NOSTRIN: variants seen among roughly 807,000 people sequenced by gnomAD.
NOSTRIN encodes nitric oxide synthase trafficking.
A neutral mutation model predicts 59.0 loss-of-function variants in NOSTRIN; 63 were observed. That is an observed-to-expected ratio of 1.07 (90% CI 0.87 to 1.32). The LOEUF is 1.32. Ranked by LOEUF, NOSTRIN falls within the 40% of genes most tolerant of loss-of-function variation. The pLI is 0.00. For synonymous variants in NOSTRIN, 200 were observed against 165.4 expected (o/e 1.21, Z -1.61); for missense variants, 512 against 473.1 (o/e 1.08, Z -0.76).
At chr2:168,803,186 C>T (rs1318172876) in intron 1 of NOSTRIN, among the ~76,000 whole-genome samples, 1 of 152,150 alleles carries the variant, frequency 6.6e-6, no homozygotes, top group Non-Finnish European at 1.5e-5. Context: ...ACTGGTTTAG[C>T]AGCATGTTTG....
At chr2:168,793,593 A>C (rs536703378), upstream of NOSTRIN, among the ~76,000 whole-genome samples, 254 of 152,334 alleles carry the variant, frequency 1.7e-3, no homozygotes, top group African/African-American at 6.0e-3. Context: ...CCTGAGTGAC[A>C]GAGTGAGACC....
At chr2:168,855,556 A>T in intron 11 of NOSTRIN, 96 bp downstream of exon 11, 1 of 422,130 alleles carries the variant, frequency 2.4e-6, no homozygotes, top group Non-Finnish European at 4.2e-6. Context: ...GCTATTTGGC[A>T]GGGGTCTTCT....
chr2:168,819,393 G>A (rs541369631), intron 2 of NOSTRIN, among the ~76,000 whole-genome samples: 26 of 152,200 alleles, frequency 1.7e-4, no homozygotes, highest in Non-Finnish European at 3.4e-4. Flanking sequence ...AAGCATGGAA[G>A]TGTTTGTTTC....
At chr2:168,839,961 C>CAT (rs1687974998) in intron 7 of NOSTRIN, among the ~76,000 whole-genome samples, 1 of 141,262 alleles carries the variant, frequency 7.1e-6, no homozygotes, top group South Asian at 2.3e-4. Context: ...ATTCTTCTTT[C>CAT]ATATATATAC....
upstream of NOSTRIN, among the ~76,000 whole-genome samples, chr2:168,797,079 C>CTTTTTTTTTTTTTTTTTTTT (rs775176252): frequency 2.5e-4 from 19 of 75,052 alleles, 1 homozygote; most frequent in East Asian, 9.8e-4. Context: ...TTTCTTTTTT[C>CTTTTTTTTTTTTTTTTTTTT]TTTTTTTTTT....
At chr2:168,863,481 T>G (rs894670490) in intron 15 of NOSTRIN, 1 of 985,278 alleles carries the variant, frequency 1.0e-6, no homozygotes, top group Admixed American at 6.2e-5. Flanking sequence ...CAGATGATCC[T>G]GAAGGGGGCA....
intron 10 of NOSTRIN, among the ~76,000 whole-genome samples, chr2:168,853,700 T>C (rs1172474588): frequency 6.6e-6 from 1 of 152,194 alleles, no homozygotes; most frequent in African/African-American, 2.4e-5. Flanking sequence ...AGTCAGAGTT[T>C]ACTTGGGGGT....
upstream of NOSTRIN, among the ~76,000 whole-genome samples, chr2:168,794,565 A>T (rs552436780): frequency 8.6e-5 from 13 of 151,956 alleles, no homozygotes; most frequent in African/African-American, 2.7e-4. Context: ...GTTAGCCAGG[A>T]TGGTCTTGAT....
chr2:168,840,546 A>AAAC (rs1553529600), intron 7 of NOSTRIN, among the ~76,000 whole-genome samples: 17 of 150,230 alleles, frequency 1.1e-4, no homozygotes, highest in African/African-American at 3.3e-4. Context: ...AAAAAAAAAA[A>AAAC]AAAAACAAAA....
chr2:168,795,578 C>T (rs572003971), upstream of NOSTRIN, among the ~76,000 whole-genome samples: 23 of 152,216 alleles, frequency 1.5e-4, no homozygotes, highest in Admixed American at 1.2e-3. Flanking sequence ...CCATTAACAC[C>T]TGGAGTTTTA....
intron 2 of NOSTRIN, among the ~76,000 whole-genome samples, chr2:168,818,634 T>C (rs1686550541): frequency 6.6e-6 from 1 of 152,200 alleles, no homozygotes; most frequent in South Asian, 2.1e-4. Flanking sequence ...AAATCACATA[T>C]TTTCCATCTC....
Position 168,828,512 on chromosome 2 carries a change from A to G in NOSTRIN, c.342+11A>G, listed in dbSNP as rs1392081737. 1 of 849,524 alleles carries G rather than the reference A, an allele frequency of 1.2e-6. No individual in the cohort carries two copies. Among genetic ancestry groups the G allele is most frequent in the Non-Finnish European group, 2.0e-6 (1 of 493,950 alleles). 52.6% of individuals were successfully genotyped at this position (849,524 alleles called of 1,614,324 possible). A position where few individuals can be genotyped will look rare whatever the true frequency, so the allele number is the denominator to read the frequency against. Reference sequence around the variant, plus strand: ...AAGAAGAGAAAATCAGTGAGTCCAAACCTTTCTTTACTCTTCCTGTTTAAA... The same window carrying G: ...AAGAAGAGAAAATCAGTGAGTCCAAGCCTTTCTTTACTCTTCCTGTTTAAA... On this transcript the variant is annotated intron_variant, in intron 5 of 15. Transcript: ENST00000317647.
Position 168,850,738 on chromosome 2 carries a change from C to T in NOSTRIN, c.631-346C>T, listed in dbSNP as rs1255901849. 8.7e-6 allele frequency: 6 copies of T among 690,540 alleles called. No individual in the cohort carries two copies. In the South Asian group the frequency reaches 9.1e-5, roughly 11 times the overall value. 42.8% of individuals were successfully genotyped at this position (690,540 alleles called of 1,614,324 possible). On this transcript the variant is annotated intron_variant, in intron 8 of 15. Coordinates refer to ENST00000317647, the MANE Select transcript of NOSTRIN (RefSeq NM_001039724.4). Reference sequence around the variant, plus strand: ...GGCCAGCCTGCCCAACATGGTGAAACCCCATCTCTACTGAAATTCTCTGGA... The same window carrying T: ...GGCCAGCCTGCCCAACATGGTGAAATCCCATCTCTACTGAAATTCTCTGGA...
chr2:168,855,883 T>G (rs541408530), intron 11 of NOSTRIN: 2 of 454,014 alleles, frequency 4.4e-6, no homozygotes, highest in East Asian at 1.4e-4. Flanking sequence ...ATTCTGTACG[T>G]AGAAGTTAGG....
intron 2 of NOSTRIN, among the ~76,000 whole-genome samples, chr2:168,792,376 G>A (rs181851619): frequency 6.6e-6 from 1 of 152,206 alleles, no homozygotes; most frequent in East Asian, 1.9e-4. Flanking sequence ...GTGTAGTCAT[G>A]TGAGTTTTGT....
chr2:168,793,826 A>T (rs1260945435), upstream of NOSTRIN, among the ~76,000 whole-genome samples: 7 of 152,212 alleles, frequency 4.6e-5, no homozygotes, highest in South Asian at 6.2e-4. Context: ...TGAGAGATTT[A>T]TAATTTTCTG....
intron 2 of NOSTRIN, 35 bp downstream of exon 2, chr2:168,811,687 C>T (rs1179043098): frequency 2.5e-6 from 2 of 795,084 alleles, no homozygotes; most frequent in Non-Finnish European, 2.2e-6. Context: ...ATGGTTCTTC[C>T]TCTTTAGTTG....
At chr2:168,837,047 G>A (rs866717272) in intron 7 of NOSTRIN, among the ~76,000 whole-genome samples, 7 of 152,096 alleles carry the variant, frequency 4.6e-5, no homozygotes, top group Admixed American at 1.3e-4. Flanking sequence ...GCATTCTCAC[G>A]TGGTGGAAAG....
chr2:168,844,833 GCACACTAGCCTAGGCGACAGAGCAAGACT>G (rs1688314532), intron 8 of NOSTRIN, among the ~76,000 whole-genome samples: 1 of 150,704 alleles, frequency 6.6e-6, no homozygotes, highest in African/African-American at 2.4e-5. Context: ...TCATGCCACT[GCACACTAGCCTAGGCGACAGAGCAAGACT>G]CCGTCTCAAA....
Sources: allele counts gnomAD v4.1 joint callset (sites outside exome capture counted in the v4.1 genomes callset), GRCh38; gene constraint gnomAD v4.1.1; transcripts MANE v1.5; gene names NCBI Gene and HGNC (gene_info 2026-07-23, HGNC 2026-07-21).